The following PTPRK variants were observed in gnomAD, a reference collection of about 807,000 sequenced individuals.
PTPRK encodes protein tyrosine phosphatase receptor type K.
In PTPRK, 75 loss-of-function variants were observed where a neutral mutation model predicts 178.0. The observed-to-expected ratio is 0.42, with a 90% CI of 0.35 to 0.51. The LOEUF (loss-of-function observed/expected upper bound fraction) is 0.51. PTPRK is among the 20% of genes least tolerant of loss of function. The probability of loss-of-function intolerance (pLI) is 0.02; values close to 1 mark genes in which losing one functional copy is unlikely to be tolerated. For synonymous variants in PTPRK, 637 were observed against 620.6 expected, an observed-to-expected ratio of 1.03 and a Z score of -0.39; for missense variants, 1,441 against 1,797.8, an observed-to-expected ratio of 0.80 and a Z score of 3.59.
intron 5 of PTPRK, among the ~76,000 whole-genome samples, chr6:128,239,739 T>A (rs1296366618): frequency 6.6e-6 from 1 of 152,208 alleles, no homozygotes; most frequent in Admixed American, 6.5e-5. Flanking sequence ...TCATTCTTAT[T>A]CATATTTCAA....
chr6:127,998,767 T>C lies in PTPRK; in HGVS notation c.2632A>G (p.Asn878Asp). 6.2e-7 allele frequency: 1 copy of C among 1,608,958 alleles called. No homozygotes were observed. The highest frequency in any genetic ancestry group is 1.1e-5 in the South Asian group (1 of 90,480). Residue 878 changes from asparagine to aspartate, a missense_variant, in exon 16 of 30, where the codon AAT (asparagine) becomes GAT (aspartate). Coordinates refer to ENST00000368226, the MANE Select transcript of PTPRK (RefSeq NM_002844.4). ...IRVADLLQHI[N>D]LMKTSDSYGF... ...TAGCTGTCTGATGTCTTCATGAGAT[T>C]AATGTGCTGCAGTAAATCAGCTACC...
At chr6:128,330,668 T>C (rs1830144989) in intron 2 of PTPRK, among the ~76,000 whole-genome samples, 1 of 152,152 alleles carries the variant, frequency 6.6e-6, no homozygotes, top group Non-Finnish European at 1.5e-5. Context: ...TCGTTTCTGA[T>C]ACATAGCCAG....
chr6:128,475,284 G>A (rs1221255045), intron 1 of PTPRK, among the ~76,000 whole-genome samples: 2 of 152,058 alleles, frequency 1.3e-5, no homozygotes, highest in African/African-American at 4.8e-5. Context: ...AGAGTGACTT[G>A]TGCATAGAAA....
chr6:128,314,483 T>A (rs1248702299), intron 3 of PTPRK, among the ~76,000 whole-genome samples: 1 of 152,250 alleles, frequency 6.6e-6, no homozygotes, highest in Non-Finnish European at 1.5e-5. Flanking sequence ...TTGGGTCCTA[T>A]GCCTTCTTCA....
chr6:128,475,793 T>C (rs1391364768), intron 1 of PTPRK, among the ~76,000 whole-genome samples: 2 of 151,982 alleles, frequency 1.3e-5, no homozygotes, highest in Non-Finnish European at 2.9e-5. Context: ...GGATATTTAT[T>C]TGAGAGCCAT....
At chr6:128,479,837 A>C (rs1290087208) in intron 1 of PTPRK, among the ~76,000 whole-genome samples, 12 of 152,168 alleles carry the variant, frequency 7.9e-5, no homozygotes, top group Admixed American at 7.9e-4. Context: ...GGTTAAAATA[A>C]GCACTCTATT....
chr6:128,191,646 C>T (rs1011240547), intron 6 of PTPRK, among the ~76,000 whole-genome samples: 1 of 151,682 alleles, frequency 6.6e-6, no homozygotes, highest in African/African-American at 2.4e-5. Flanking sequence ...AAATTGTATA[C>T]ATATACCAAA....
At chr6:128,066,014 CT>C (rs11390295) in intron 12 of PTPRK, among the ~76,000 whole-genome samples, 1 of 152,050 alleles carries the variant, frequency 6.6e-6, no homozygotes, top group South Asian at 2.1e-4. Context: ...TATCAAAAAG[CT>C]TTAAAGAATG....
At chr6:127,989,199 AGACTG>A (rs1346192602) in intron 21 of PTPRK, among the ~76,000 whole-genome samples, 3 of 152,114 alleles carry the variant, frequency 2.0e-5, no homozygotes, top group East Asian at 3.9e-4. Flanking sequence ...TGAACTTAAG[AGACTG>A]CATATTCCAC....
At chr6:128,125,521 C>T (rs1793190970) in intron 7 of PTPRK, among the ~76,000 whole-genome samples, 1 of 147,376 alleles carries the variant, frequency 6.8e-6, no homozygotes, top group African/African-American at 2.5e-5. Context: ...TTAAACCTTT[C>T]TTTTGTTATA....
chr6:128,444,168 A>C (rs1243957458), intron 1 of PTPRK, among the ~76,000 whole-genome samples: 1 of 152,178 alleles, frequency 6.6e-6, no homozygotes, highest in Admixed American at 6.5e-5. Flanking sequence ...ACCAGAATTT[A>C]TTCAGGCTCT....
At chr6:128,105,021 T>A (rs890550989) in intron 7 of PTPRK, among the ~76,000 whole-genome samples, 1 of 152,216 alleles carries the variant, frequency 6.6e-6, no homozygotes, top group African/African-American at 2.4e-5. Flanking sequence ...TTAATGATAT[T>A]CATTTTTAAT....
intron 3 of PTPRK, among the ~76,000 whole-genome samples, chr6:128,244,892 A>G (rs1415486516): frequency 6.6e-6 from 1 of 152,220 alleles, no homozygotes; most frequent in African/African-American, 2.4e-5. Context: ...CTAACATAAG[A>G]AAGAGGTCAA....
At chr6:128,296,702 C>G (rs1439370382) in intron 3 of PTPRK, among the ~76,000 whole-genome samples, 3 of 152,058 alleles carry the variant, frequency 2.0e-5, no homozygotes, top group African/African-American at 7.2e-5. Flanking sequence ...CCAGGCCTGC[C>G]CTAAAAGAGC....
At chr6:128,197,042 C>A (rs1004127483) in intron 6 of PTPRK, among the ~76,000 whole-genome samples, 1 of 151,942 alleles carries the variant, frequency 6.6e-6, no homozygotes, top group African/African-American at 2.4e-5. Context: ...GAAGAAGGTA[C>A]CATGTTTCTT....
At chr6:128,237,839 T>TA (rs1354905666) in intron 5 of PTPRK, among the ~76,000 whole-genome samples, 1 of 152,118 alleles carries the variant, frequency 6.6e-6, no homozygotes, top group Non-Finnish European at 1.5e-5. Context: ...TGTTTTTTTT[T>TA]ACTTTTGGCA....
At chr6:127,976,530 T>C (rs759333431) in intron 27 of PTPRK, 127 bp downstream of exon 27, 3 of 1,152,282 alleles carry the variant, frequency 2.6e-6, no homozygotes, top group Non-Finnish European at 3.7e-6. Context: ...AGATGGTTAC[T>C]AGCTTTGAGG....
chr6:128,152,407 T>C (rs1177112888), intron 7 of PTPRK, among the ~76,000 whole-genome samples: 2 of 151,928 alleles, frequency 1.3e-5, no homozygotes, highest in Non-Finnish European at 2.9e-5. Flanking sequence ...TTCAATGAAG[T>C]CTGACAAAAC....
chr6:128,241,156 T>A (rs1293542910), intron 4 of PTPRK: 1 of 486,772 alleles, frequency 2.1e-6, no homozygotes, highest in African/African-American at 2.0e-5. Flanking sequence ...TTTCTTAGAA[T>A]TTACCAACCA....
Sources: allele counts gnomAD v4.1 joint callset (sites outside exome capture counted in the v4.1 genomes callset), GRCh38; gene constraint gnomAD v4.1.1; transcripts MANE v1.5; gene names NCBI Gene and HGNC (gene_info 2026-07-23, HGNC 2026-07-21).